RASAL2: variants seen among roughly 807,000 people sequenced by gnomAD.
RASAL2 encodes the protein ras GTPase-activating protein nGAP.
In RASAL2, 58 loss-of-function variants were observed where a neutral mutation model predicts 128.9. The observed-to-expected ratio is 0.45, with a 90% CI of 0.36 to 0.56. The LOEUF (loss-of-function observed/expected upper bound fraction) is 0.56, where lower values mean the gene tolerates loss of function less well. RASAL2 is among the 20% of genes least tolerant of loss of function. The pLI is 0.00. For missense variants in RASAL2, 1,360 were observed against 1,601.6 expected, an observed-to-expected ratio of 0.85 and a Z score of 2.57; for synonymous variants, 561 against 580.8, an observed-to-expected ratio of 0.97 and a Z score of 0.49.
chr1:178,467,893 CTTG>C (rs1245805396), intron 17 of RASAL2, among the ~76,000 whole-genome samples: 23 of 152,168 alleles, frequency 1.5e-4, no homozygotes, highest in South Asian at 4.1e-4. Flanking sequence ...GGTACCTTTC[CTTG>C]TTGTTCTTTT....
intron 1 of RASAL2, among the ~76,000 whole-genome samples, chr1:178,240,755 T>C (rs1256093027): frequency 6.6e-6 from 1 of 151,734 alleles, no homozygotes; most frequent in Admixed American, 6.6e-5. Context: ...ATTAACAACT[T>C]TTTGTGGTAT....
At chr1:178,387,598 C>A (rs1672660022) in intron 3 of RASAL2, among the ~76,000 whole-genome samples, 1 of 147,192 alleles carries the variant, frequency 6.8e-6, no homozygotes, top group South Asian at 2.3e-4. Context: ...TTGTTCAGTT[C>A]CCACCTATGA....
intron 3 of RASAL2, among the ~76,000 whole-genome samples, chr1:178,353,593 C>T (rs1184976383): frequency 2.6e-5 from 4 of 152,198 alleles, no homozygotes; most frequent in African/African-American, 9.7e-5. Flanking sequence ...CACACTCTTC[C>T]AGCTTCTACC....
chr1:178,325,836 C>T (rs895337289), intron 3 of RASAL2, among the ~76,000 whole-genome samples: 1 of 152,166 alleles, frequency 6.6e-6, no homozygotes, highest in Non-Finnish European at 1.5e-5. Context: ...TACCATGGCT[C>T]ATGACTGTAA....
chr1:178,265,733 A>G (rs1396612333), intron 1 of RASAL2, among the ~76,000 whole-genome samples: 1 of 152,192 alleles, frequency 6.6e-6, no homozygotes, highest in Non-Finnish European at 1.5e-5. Context: ...TGCTCAAGAA[A>G]CAGAACATTA....
intron 1 of RASAL2, among the ~76,000 whole-genome samples, chr1:178,139,173 TAAA>T (rs1042393145): frequency 6.6e-6 from 1 of 152,026 alleles, no homozygotes; most frequent in South Asian, 2.1e-4. Context: ...TGGATTTTAA[TAAA>T]AATATCTAGT....
At position 178,464,122 on chromosome 1, in the gene RASAL2, C is replaced by G. The variant is rs150101258; in HGVS notation, c.3253-156C>G. Among the ~76,000 whole-genome samples the G allele has an allele frequency of 3.5e-4, 54 of 152,290 alleles. No individual in the cohort carries two copies. In the East Asian group the frequency reaches 8.9e-3, roughly 25 times the overall value. ...ACAAATGTATATTCTCTTTCCCCACCCCTAGCCTTGGCATTAGTAAAATAA... is the reference window on the plus strand; with the variant it reads ...ACAAATGTATATTCTCTTTCCCCACGCCTAGCCTTGGCATTAGTAAAATAA... On this transcript the variant is annotated intron_variant, in intron 14 of 17. Transcript: ENST00000367649.
intron 4 of RASAL2, among the ~76,000 whole-genome samples, chr1:178,398,710 C>G (rs1025914073): frequency 1.3e-5 from 2 of 152,136 alleles, no homozygotes; most frequent in Non-Finnish European, 2.9e-5. Context: ...AAAATTTTCC[C>G]TTGAATTTCT....
intron 1 of RASAL2, among the ~76,000 whole-genome samples, chr1:178,145,660 A>G (rs924212311): frequency 3.9e-5 from 6 of 152,188 alleles, no homozygotes; most frequent in African/African-American, 1.4e-4. Context: ...ATGAAAGAAG[A>G]CTGGAGACAG....
intron 3 of RASAL2, among the ~76,000 whole-genome samples, chr1:178,337,216 TTGTAAGTACTTTGCTAACCA>T (rs1669630057): frequency 6.6e-6 from 1 of 152,224 alleles, no homozygotes; most frequent in African/African-American, 2.4e-5. Context: ...TTCTAAACAC[TTGTAAGTACTTTGCTAACCA>T]TATGAATTAA....
intron 3 of RASAL2, among the ~76,000 whole-genome samples, chr1:178,329,081 A>G (rs1276766014): frequency 2.0e-5 from 3 of 152,220 alleles, no homozygotes; most frequent in African/African-American, 7.2e-5. Context: ...AAAGCATTCA[A>G]AAATAGCCGG....
intron 1 of RASAL2, among the ~76,000 whole-genome samples, chr1:178,243,013 T>C (rs905414737): frequency 2.6e-5 from 4 of 152,208 alleles, no homozygotes; most frequent in African/African-American, 9.6e-5. Context: ...TTCATTCAAG[T>C]TGAGATTTTC....
chr1:178,249,558 A>G (rs1056513543), intron 1 of RASAL2, among the ~76,000 whole-genome samples: 4 of 151,988 alleles, frequency 2.6e-5, no homozygotes, highest in African/African-American at 9.7e-5. Context: ...CGTCAAACTC[A>G]TTCTCTGTCC....
At chr1:178,407,579 C>A (rs1040418587) in intron 4 of RASAL2, among the ~76,000 whole-genome samples, 1 of 152,130 alleles carries the variant, frequency 6.6e-6, no homozygotes, top group Non-Finnish European at 1.5e-5. Flanking sequence ...GTGGCATTTT[C>A]TTACTGTGAA....
intron 1 of RASAL2, among the ~76,000 whole-genome samples, chr1:178,114,671 A>G (rs567962462): frequency 1.3e-5 from 2 of 151,848 alleles, no homozygotes; most frequent in East Asian, 1.9e-4. Context: ...ACAGGCGCCC[A>G]CCACCACGCC....
intron 2 of RASAL2, among the ~76,000 whole-genome samples, chr1:178,297,052 C>G (rs1045769532): frequency 1.7e-4 from 26 of 150,202 alleles, no homozygotes; most frequent in Non-Finnish European, 5.9e-5. Flanking sequence ...GAAAAAAAAA[C>G]AAAGAAAGAA....
intron 3 of RASAL2, among the ~76,000 whole-genome samples, chr1:178,343,677 A>T (rs183307174): frequency 6.6e-5 from 10 of 152,270 alleles, no homozygotes; most frequent in Non-Finnish European, 7.4e-5. Flanking sequence ...TAACCAAGCT[A>T]ATCATGATAA....
chr1:178,176,936 A>G (rs549972350), intron 1 of RASAL2, among the ~76,000 whole-genome samples: 2 of 152,262 alleles, frequency 1.3e-5, no homozygotes, highest in African/African-American at 4.8e-5. Flanking sequence ...AGGCGTGAGC[A>G]CCATGCCTGG....
chr1:178,123,965 G>T (rs1659804159), intron 1 of RASAL2: 1 of 152,184 alleles, frequency 6.6e-6, no homozygotes, highest in Non-Finnish European at 1.5e-5. Context: ...GAGCCACCTT[G>T]CCTGGCCCAA....
Sources: gnomAD v4.1 joint callset for allele counts (sites outside exome capture counted in the v4.1 genomes callset) on GRCh38, gnomAD v4.1.1 for gene constraint, MANE v1.5 for transcripts, NCBI Gene and HGNC (gene_info 2026-07-23, HGNC 2026-07-21) for gene names.